TLE2: variants seen among roughly 807,000 people sequenced by gnomAD.
The protein encoded by TLE2 is transducin-like enhancer protein 2.
TLE2 carries 74 observed loss-of-function variants against 97.2 expected under a neutral mutation model. That is an observed-to-expected ratio of 0.76 (90% confidence interval 0.63 to 0.92). The LOEUF (loss-of-function observed/expected upper bound fraction) is 0.92. Ranked by LOEUF, TLE2 falls within the 40% of genes least tolerant of loss-of-function variation. The pLI is 0.00. For missense variants in TLE2, 1,038 were observed against 1,008.7 expected (o/e 1.03, Z -0.39); for synonymous variants, 499 against 432.1 (o/e 1.15, Z -1.92).
chr19:3,025,339 A>ACTCG, intron 4 of TLE2: 2 of 1,263,120 alleles, frequency 1.6e-6, no homozygotes, highest in Non-Finnish European at 2.0e-6. Context: ...CGAGTCACAG[A>ACTCG]TACACCACCC....
rs59931576 is a variant in TLE2, at chr19:3,019,988, T to G, written c.295-215A>C. The stretch of plus-strand genomic sequence containing the variant: ...AAACCAAACCTAAGTGCAGGTAGAA[T>G]AGTTACAAATCAGGCCGGGCATGGT... On this transcript the variant is annotated intron_variant, in intron 5 of 19. Transcript: ENST00000262953. The surrounding 1 kb of genome is among the most constrained non-coding windows in gnomAD (Gnocchi z 5.1). 95,574 of 659,048 alleles carry G rather than the reference T, an allele frequency of 0.15. 8,309 individuals are homozygous for G. The highest frequency in any genetic ancestry group is 0.34 in the East Asian group (11,799 of 35,030). 40.8% of individuals were successfully genotyped at this position (659,048 alleles called of 1,614,324 possible).
chr19:3,011,529 CAAA>C (rs34102685), intron 11 of TLE2, among the ~76,000 whole-genome samples: 4 of 116,888 alleles, frequency 3.4e-5, no homozygotes, highest in Non-Finnish European at 5.3e-5. Flanking sequence ...GACTCCATCT[CAAA>C]AAAAAAAAAA....
chr19:3,040,803 A>AT (rs552560081), intron 1 of TLE2, among the ~76,000 whole-genome samples: 113 of 151,316 alleles, frequency 7.5e-4, no homozygotes, highest in Admixed American at 6.9e-3. Flanking sequence ...CGCCTGGCTC[A>AT]TTTTTTTAGA....
At chr19:2,999,605 G>C (rs1266102349) in intron 19 of TLE2, among the ~76,000 whole-genome samples, 1 of 151,168 alleles carries the variant, frequency 6.6e-6, no homozygotes, top group Non-Finnish European at 1.5e-5. Context: ...CGGGTACCTG[G>C]AGTCCCAGCT....
At chr19:3,004,702 T>C (rs1305745372) in intron 17 of TLE2, among the ~76,000 whole-genome samples, 2 of 151,202 alleles carry the variant, frequency 1.3e-5, no homozygotes, top group Admixed American at 1.3e-4. Flanking sequence ...AGATGGGTCT[T>C]GAGGGATGAA....
At chr19:3,035,900 C>T (rs1022182634) in intron 1 of TLE2, among the ~76,000 whole-genome samples, 1 of 150,590 alleles carries the variant, frequency 6.6e-6, no homozygotes, top group Non-Finnish European at 1.5e-5. Context: ...GGCTAAGGCT[C>T]CATTATTATC....
intron 14 of TLE2, 106 bp from the exon 15 acceptor site, chr19:3,006,775 G>GT: frequency 3.5e-6 from 5 of 1,440,294 alleles, no homozygotes; most frequent in Non-Finnish European, 3.7e-6. Flanking sequence ...CCTCTGATGT[G>GT]TTTTTTATTT....
intron 1 of TLE2, among the ~76,000 whole-genome samples, chr19:3,039,039 G>A (rs554418773): frequency 3.3e-4 from 43 of 131,284 alleles, no homozygotes; most frequent in African/African-American, 1.5e-3. Flanking sequence ...GCAAAACCAC[G>A]ACTCAAAAAA....
intron 8 of TLE2, among the ~76,000 whole-genome samples, chr19:3,016,572 A>G (rs1279198581): frequency 2.1e-5 from 3 of 139,862 alleles, no homozygotes; most frequent in Non-Finnish European, 4.6e-5. Context: ...CCTGGGCGAC[A>G]GGGCAAGACT....
chr19:3,006,166 C>T (rs2089471860), intron 15 of TLE2, 198 bp from the exon 16 acceptor site: 1 of 938,364 alleles, frequency 1.1e-6, no homozygotes, highest in South Asian at 1.3e-5. Context: ...CCATCCTTTA[C>T]CTATAAGCCC....
At chr19:3,041,013 A>ATTTTTTT (rs1168699418) in intron 1 of TLE2, among the ~76,000 whole-genome samples, 1 of 28,976 alleles carries the variant, frequency 3.5e-5, no homozygotes, top group Non-Finnish European at 5.7e-5. Context: ...ATATATATAT[A>ATTTTTTT]TTTTTTTTTT....
rs758160517 is a variant in TLE2 at position 3,006,549 on chromosome 19, G to A, written c.1371C>T (p.Gly457=). ...HARQLHTLAH[G]EVVCAVTISG... is the part of the protein sequence containing the mutation. ...TGATGGTGACCGCGCAGACCACCTCGCCATGGGCCAGCGTGTGCAGCTGCC... is the reference window on the plus strand; with the variant it reads ...TGATGGTGACCGCGCAGACCACCTCACCATGGGCCAGCGTGTGCAGCTGCC... Residue 457 remains glycine, a synonymous_variant, in exon 15 of 20, where the codon GGC becomes GGT. Coordinates refer to ENST00000262953, the MANE Select transcript of TLE2 (RefSeq NM_003260.5). 3.7e-5 allele frequency: 59 copies of A among 1,604,568 alleles called. No homozygotes were observed. The Middle Eastern group carries it at 5.3e-4, about 14-fold the overall frequency.
At chr19:2,999,276 C>T (rs976540115) in intron 19 of TLE2, among the ~76,000 whole-genome samples, 15 of 151,408 alleles carry the variant, frequency 9.9e-5, no homozygotes, top group African/African-American at 2.4e-4. Flanking sequence ...AGAAGGACTC[C>T]GTGTCAAAAA....
chr19:3,025,598 C>G (rs186729900), intron 4 of TLE2: 1 of 985,408 alleles, frequency 1.0e-6, no homozygotes, highest in African/African-American at 1.8e-5. Context: ...ACGCCACACT[C>G]AAGGGAAGGA....
chr19:3,041,014 T>TATATATATATATATATA (rs55998855), intron 1 of TLE2, among the ~76,000 whole-genome samples: 1 of 20,162 alleles, frequency 5.0e-5, no homozygotes, highest in Non-Finnish European at 8.4e-5. Context: ...TATATATATA[T>TATATATATATATATATA]TTTTTTTTTT....
Position 3,028,887 on chromosome 19 carries a change from C to T in TLE2, c.18G>A (p.Arg6=), listed in dbSNP as rs1250992764. The T allele has an allele frequency of 6.2e-7, 1 of 1,610,974 alleles. No homozygotes were observed. Among genetic ancestry groups the T allele is most frequent in the East Asian group, 2.2e-5 (1 of 44,876 alleles). The change falls in exon 1 of 20, where the codon AGG becomes AGA. Residue 6 remains arginine, a synonymous_variant. Coordinates refer to ENST00000262953, the MANE Select transcript of TLE2 (RefSeq NM_003260.5). ...CCCCGCAGTCCGCACTCACCGGGTG[C>T]CTTCCCTGGGGGTACATCCTGCCGA... The part of the protein sequence containing the change: MYPQG[R]HPTPLQSGQP...
intron 8 of TLE2, among the ~76,000 whole-genome samples, chr19:3,016,997 C>G (rs776200549): frequency 1.3e-5 from 2 of 151,860 alleles, no homozygotes; most frequent in Admixed American, 6.6e-5. Context: ...AAGCTGGTCT[C>G]GAACTCCTGA....
chr19:3,045,955 C>T (rs532349673), upstream of TLE2, among the ~76,000 whole-genome samples: 5 of 152,324 alleles, frequency 3.3e-5, no homozygotes, highest in African/African-American at 1.2e-4. Context: ...AGAGAGAATC[C>T]TTTGAGAGAT....
At chr19:3,001,715 T>TC (rs1388636334) in intron 18 of TLE2, among the ~76,000 whole-genome samples, 4 of 151,820 alleles carry the variant, frequency 2.6e-5, no homozygotes, top group African/African-American at 4.8e-5. Flanking sequence ...TCTTGGGCGA[T>TC]CCTTCTGCCT....
Sources: gnomAD v4.1 joint callset for allele counts (sites outside exome capture counted in the v4.1 genomes callset) on GRCh38, gnomAD v4.1.1 for gene constraint, Gnocchi (gnomAD v3.1) non-coding constraint, MANE v1.5 for transcripts, NCBI Gene and HGNC (gene_info 2026-07-23, HGNC 2026-07-21) for gene names.